The following PDE11A variants were observed in gnomAD, a reference collection of about 807,000 sequenced individuals.
The protein encoded by PDE11A is dual 3',5'-cyclic-AMP and -GMP phosphodiesterase 11A.
A neutral mutation model predicts 100.5 loss-of-function variants in PDE11A; 100 were observed. The observed-to-expected ratio is 1.00, with a 90% CI of 0.85 to 1.18. The LOEUF is 1.18. Ranked by LOEUF, PDE11A falls within the 50% of genes most tolerant of loss-of-function variation. The pLI is 0.00. For synonymous variants in PDE11A, 381 were observed against 420.8 expected (o/e 0.91, Z 1.16); for missense variants, 1,141 against 1,152.6 (o/e 0.99, Z 0.15).
intron 10 of PDE11A, among the ~76,000 whole-genome samples, chr2:177,730,355 A>C (rs891642715): frequency 2.6e-5 from 4 of 152,122 alleles, no homozygotes; most frequent in Admixed American, 6.6e-5. Context: ...TCTTAATTGG[A>C]AAATTATGTC....
At chr2:178,058,265 T>G (rs1458633923) in intron 1 of PDE11A, among the ~76,000 whole-genome samples, 1 of 152,204 alleles carries the variant, frequency 6.6e-6, no homozygotes, top group Non-Finnish European at 1.5e-5. Flanking sequence ...ATATTCCTGA[T>G]ATGGTTTGGC....
At chr2:178,080,099 T>C (rs2087264498) in intron 2 of PDE11A, among the ~76,000 whole-genome samples, 1 of 152,212 alleles carries the variant, frequency 6.6e-6, no homozygotes, top group South Asian at 2.1e-4. Context: ...AGGTTGTCTG[T>C]TCACTCTGGT....
intron 10 of PDE11A, among the ~76,000 whole-genome samples, chr2:177,750,994 A>G (rs190120892): frequency 6.6e-6 from 1 of 152,146 alleles, no homozygotes; most frequent in Non-Finnish European, 1.5e-5. Flanking sequence ...ACATCCAGGT[A>G]TTGGTATTAT....
rs193222628 is a variant in PDE11A, at chr2:177,991,679, G to A, written c.1071+22623C>T. 1.2e-3 allele frequency among the ~76,000 whole-genome samples: 178 copies of A among 151,234 alleles called. 4 individuals are homozygous for A. In the East Asian group the frequency reaches 0.028, roughly 24 times the overall value. On this transcript the variant is annotated intron_variant, in intron 2 of 19. Transcript: ENST00000286063. ...AATAATATACCTTATATTTGGAAAT[G>A]AAAATATATATACTCTTTTCATATG...
Position 177,631,540 on chromosome 2 carries a change from T to TAC in PDE11A, c.2647-1979_2647-1978insGT, listed in dbSNP as rs1559117344. Among the ~76,000 whole-genome samples, 3 of 21,178 alleles carry TAC rather than the reference T, an allele frequency of 1.4e-4. 1 individual carries two copies. The highest frequency in any genetic ancestry group is 5.4e-3 in the East Asian group (2 of 372). The allele number at this position is 21,178 out of a possible 152,430, so 13.9% of individuals were successfully genotyped here. On this transcript the variant is annotated intron_variant, in intron 19 of 19. Transcript: ENST00000286063. Reference sequence around the variant, plus strand: ...ATATATATATATATATATATATATATATATATACACATGTATATATATATA... The same window carrying TAC: ...ATATATATATATATATATATATATATACATATATACACATGTATATATATATA...
chr2:177,787,484 C>T (rs1025667628), intron 9 of PDE11A, among the ~76,000 whole-genome samples: 200 of 151,730 alleles, frequency 1.3e-3, no homozygotes, highest in Non-Finnish European at 2.0e-3. Flanking sequence ...CATCAACTAA[C>T]GAGCAAATTA....
rs911074775 is a variant in PDE11A, at chr2:177,903,732, T to A, written c.1161+1366A>T. ...AGATTAATCAGAAAGCTGAGCTGGG[T>A]CCTGAAGAATGTGTGAGGCACATGA... On this transcript the variant is annotated intron_variant, in intron 3 of 19. Coordinates refer to ENST00000286063, the MANE Select transcript of PDE11A (RefSeq NM_016953.4). Among the ~76,000 whole-genome samples the A allele has an allele frequency of 2.6e-5, 4 of 152,254 alleles. No homozygotes were observed. In the South Asian group the frequency reaches 6.2e-4, roughly 24 times the overall value.
chr2:178,045,327 T>G (rs2086735795), intron 1 of PDE11A, among the ~76,000 whole-genome samples: 1 of 152,230 alleles, frequency 6.6e-6, no homozygotes, highest in Non-Finnish European at 1.5e-5. Context: ...CAGGTTTTGG[T>G]ACTGATTAGT....
intron 1 of PDE11A, among the ~76,000 whole-genome samples, chr2:178,055,937 A>T (rs2086894871): frequency 6.6e-6 from 1 of 152,178 alleles, no homozygotes; most frequent in African/African-American, 2.4e-5. Context: ...TATTTTTTTA[A>T]ATACGCTTTC....
intron 19 of PDE11A, among the ~76,000 whole-genome samples, chr2:177,631,569 A>G (rs1270373454): frequency 3.3e-5 from 1 of 30,476 alleles, no homozygotes; most frequent in Non-Finnish European, 6.3e-5. Context: ...ATATATATAT[A>G]CATGTATATA....
At chr2:178,068,267 T>A (rs1256057061) in intron 1 of PDE11A, among the ~76,000 whole-genome samples, 3 of 152,120 alleles carry the variant, frequency 2.0e-5, no homozygotes, top group African/African-American at 7.2e-5. Flanking sequence ...ATTTTTTTCC[T>A]AATTTCAAGT....
intron 1 of PDE11A, among the ~76,000 whole-genome samples, chr2:178,107,883 G>A (rs1407609382): frequency 1.3e-5 from 2 of 151,930 alleles, no homozygotes; most frequent in East Asian, 3.9e-4. Context: ...CACTATGCCT[G>A]GATAATTTTT....
chr2:177,866,820 A>G (rs1044963016), intron 5 of PDE11A, among the ~76,000 whole-genome samples: 2 of 152,246 alleles, frequency 1.3e-5, no homozygotes, highest in Non-Finnish European at 2.9e-5. Flanking sequence ...CCAGTTTCAT[A>G]CAATCATGGT....
chr2:177,811,238 A>C (rs931400790), intron 9 of PDE11A, among the ~76,000 whole-genome samples: 36 of 152,132 alleles, frequency 2.4e-4, no homozygotes, highest in African/African-American at 8.7e-4. Flanking sequence ...ATGAACCTAC[A>C]TTAGCATAGC....
intron 2 of PDE11A, among the ~76,000 whole-genome samples, chr2:178,095,019 G>A (rs539463576): frequency 6.6e-6 from 1 of 152,142 alleles, no homozygotes; most frequent in Non-Finnish European, 1.5e-5. Flanking sequence ...ATTTGGGTGG[G>A]GACACAGAGC....
At chr2:177,918,594 G>GA (rs1456862534) in intron 2 of PDE11A, among the ~76,000 whole-genome samples, 1 of 151,990 alleles carries the variant, frequency 6.6e-6, no homozygotes, top group Non-Finnish European at 1.5e-5. Flanking sequence ...AATCATAGGG[G>GA]AAAAACCCCG....
At chr2:177,712,914 C>A (rs6708025) in intron 12 of PDE11A, among the ~76,000 whole-genome samples, 13,144 of 152,160 alleles carry the variant, frequency 0.086, 1,876 homozygotes, top group African/African-American at 0.29. Context: ...TGGCCCACAC[C>A]TGTAAGACAC....
intron 2 of PDE11A, among the ~76,000 whole-genome samples, chr2:178,087,518 G>A (rs1206174995): frequency 6.6e-6 from 1 of 152,120 alleles, no homozygotes; most frequent in Admixed American, 6.6e-5. Flanking sequence ...TTAAAAGTAG[G>A]AGCTAAATAA....
In PDE11A at chr2:178,072,516, C is replaced by A. The variant is rs572053164; in HGVS notation, c.-79G>T. On this transcript the variant is annotated 5_prime_UTR_variant, in exon 1 of 20. The change abolishes an upstream ATG in the 5' untranslated region. Coordinates refer to ENST00000286063, the MANE Select transcript of PDE11A (RefSeq NM_016953.4). ...CCCGAGGCCTCTAGCTGTTCCTGCACATGTTCACCCCCACCAGTATTCCCA... is the reference window on the plus strand; with the variant it reads ...CCCGAGGCCTCTAGCTGTTCCTGCAAATGTTCACCCCCACCAGTATTCCCA... 17 of 1,587,054 alleles carry A rather than the reference C, an allele frequency of 1.1e-5. No individual in the cohort carries two copies. Among genetic ancestry groups the A allele is most frequent in the Non-Finnish European group, 1.5e-5 (17 of 1,172,228 alleles).
Sources: gnomAD v4.1 joint callset for allele counts (sites outside exome capture counted in the v4.1 genomes callset) on GRCh38, gnomAD v4.1.1 for gene constraint, MANE v1.5 for transcripts, NCBI Gene and HGNC (gene_info 2026-07-23, HGNC 2026-07-21) for gene names.